MARCHF10: variants seen among roughly 807,000 people sequenced by gnomAD.
MARCHF10 encodes the protein membrane associated ring-CH-type finger 10.
Under a neutral mutation model 76.2 loss-of-function variants are expected in MARCHF10, and 64 were observed. The observed-to-expected ratio is 0.84, with a 90% CI of 0.69 to 1.03. The LOEUF (loss-of-function observed/expected upper bound fraction) is 1.03. Among genes scored for constraint, MARCHF10 ranks in the 50% least tolerant of loss-of-function variants. MARCHF10 has a pLI of 0.00. For missense variants in MARCHF10, 875 were observed against 958.0 expected, an observed-to-expected ratio of 0.91 and a Z score of 1.14; for synonymous variants, 340 against 357.5, an observed-to-expected ratio of 0.95 and a Z score of 0.55.
chr17:62,720,190 T>C (rs931475534), intron 8 of MARCHF10, among the ~76,000 whole-genome samples: 1 of 152,250 alleles, frequency 6.6e-6, no homozygotes, highest in Non-Finnish European at 1.5e-5. Flanking sequence ...GTTTGCTCTG[T>C]CTCTTCAAAC....
At chr17:62,795,356 CAAAAAAAAAAAAAAAA>C (rs61564298) in intron 2 of MARCHF10, among the ~76,000 whole-genome samples, 2 of 52,946 alleles carry the variant, frequency 3.8e-5, no homozygotes, top group East Asian at 1.3e-3. Context: ...ATCATTTGAT[CAAAAAAAAAAAAAAAA>C]AAAAAAAAAA....
chr17:62,780,167 A>G (rs1238249541), intron 3 of MARCHF10, among the ~76,000 whole-genome samples: 2 of 88,436 alleles, frequency 2.3e-5, no homozygotes, highest in Non-Finnish European at 5.1e-5. Flanking sequence ...TGAGTGTGTA[A>G]CATGTGGCTA....
At chr17:62,770,608 T>C (rs962242365) in intron 3 of MARCHF10, among the ~76,000 whole-genome samples, 2 of 151,510 alleles carry the variant, frequency 1.3e-5, no homozygotes, top group South Asian at 2.1e-4. Context: ...GTGCACGATC[T>C]TGACTCACTG....
chr17:62,729,180 G>C (rs1225705651), intron 6 of MARCHF10, among the ~76,000 whole-genome samples: 4 of 151,938 alleles, frequency 2.6e-5, no homozygotes, highest in Admixed American at 2.0e-4. Context: ...TGAGCTCAAG[G>C]AATCTGCCCA....
chr17:62,705,418 T>C, intron 10 of MARCHF10, 121 bp downstream of exon 10: 1 of 1,583,912 alleles, frequency 6.3e-7, no homozygotes. Flanking sequence ...TTTGCGGGGT[T>C]ATTTTTGCCT....
chr17:62,756,172 C>T (rs181437525), intron 4 of MARCHF10, among the ~76,000 whole-genome samples: 164 of 152,154 alleles, frequency 1.1e-3, no homozygotes, highest in African/African-American at 3.5e-3. Flanking sequence ...TGCTTGAGTC[C>T]GGGAGGCGGA....
chr17:62,735,857 G>T, intron 6 of MARCHF10, 74 bp downstream of exon 6: 2 of 1,390,970 alleles, frequency 1.4e-6, no homozygotes, highest in South Asian at 1.3e-5. Flanking sequence ...AATTCCCATG[G>T]CTCTCTAACG....
At chr17:62,766,550 G>A (rs1047125328) in intron 3 of MARCHF10, among the ~76,000 whole-genome samples, 1 of 152,072 alleles carries the variant, frequency 6.6e-6, no homozygotes, top group African/African-American at 2.4e-5. Context: ...GTGTTTAATA[G>A]TTTAACAGCA....
intron 3 of MARCHF10, among the ~76,000 whole-genome samples, chr17:62,781,179 T>C (rs1352739404): frequency 6.6e-6 from 1 of 152,218 alleles, no homozygotes. Context: ...TAAAATTAAG[T>C]TGCCATATTA....
chr17:62,733,768 A>G (rs1316622192), intron 6 of MARCHF10, among the ~76,000 whole-genome samples: 2 of 152,260 alleles, frequency 1.3e-5, no homozygotes, highest in Non-Finnish European at 2.9e-5. Context: ...AAAGCCAAAT[A>G]TATCAATAAG....
Position 62,705,496 on chromosome 17 carries a change from A to T in MARCHF10, c.2371+43T>A, listed in dbSNP as rs557074998. The stretch of plus-strand genomic sequence containing the variant: ...CACAGTCACAGAAAAAGAGTAATTT[A>T]GCAAACACCCTCAAAATGGCAGGAC... On this transcript the variant is annotated intron_variant, in intron 10 of 10. Transcript: ENST00000311269. The T allele has an allele frequency of 6.8e-6, 11 of 1,614,124 alleles. 1 individual carries two copies. In the South Asian group the frequency reaches 1.1e-4, roughly 16 times the overall value.
rs770200726 is a variant in MARCHF10, at chr17:62,725,019, C to G, written c.2023G>C (p.Glu675Gln). The change falls in exon 7 of 11, where the codon GAG becomes CAG. Residue 675 changes from glutamate to glutamine, a missense_variant. Transcript: ENST00000311269. ...AGGCTTCCCACACAGCCGCAAGGCTCCAGGAGGGGGTTGCTTGGGGAACCC... is the reference window on the plus strand; with the variant it reads ...AGGCTTCCCACACAGCCGCAAGGCTGCAGGAGGGGGTTGCTTGGGGAACCC... ...AGGSPSNPLL[E>Q]PCGCVGSLQF... 6.2e-7 allele frequency: 1 copy of G among 1,610,478 alleles called. No homozygotes were observed. The highest frequency in any genetic ancestry group is 8.5e-7 in the Non-Finnish European group (1 of 1,178,698).
chr17:62,753,015 G>A (rs1458736576), intron 4 of MARCHF10, among the ~76,000 whole-genome samples: 1 of 152,160 alleles, frequency 6.6e-6, no homozygotes, highest in Non-Finnish European at 1.5e-5. Flanking sequence ...GCCCTTGGAG[G>A]CCTGATCCTT....
rs184425496 is a variant in MARCHF10 at position 62,707,771 on chromosome 17, C to G, written c.2329-2190G>C. ...TGTTCTCTCCTTAGATTCTGAGTCTCTTCTAGGAAAGGAGTGTCTTAATCA... is the reference window on the plus strand; with the variant it reads ...TGTTCTCTCCTTAGATTCTGAGTCTGTTCTAGGAAAGGAGTGTCTTAATCA... On this transcript the variant is annotated intron_variant, in intron 9 of 10. Coordinates refer to ENST00000311269, the MANE Select transcript of MARCHF10 (RefSeq NM_152598.4). Among the ~76,000 whole-genome samples, 6 of 152,350 alleles carry G rather than the reference C, an allele frequency of 3.9e-5. No individual in the cohort carries two copies. In the South Asian group the frequency reaches 6.2e-4, roughly 16 times the overall value.
intron 6 of MARCHF10, among the ~76,000 whole-genome samples, chr17:62,726,998 T>G (rs1244887882): frequency 6.6e-6 from 1 of 152,170 alleles, no homozygotes; most frequent in Non-Finnish European, 1.5e-5. Flanking sequence ...AATCAGTGGT[T>G]TCCAATAGAA....
At chr17:62,729,386 A>G (rs1172969336) in intron 6 of MARCHF10, among the ~76,000 whole-genome samples, 1 of 150,918 alleles carries the variant, frequency 6.6e-6, no homozygotes, top group East Asian at 1.9e-4. Flanking sequence ...ATTTTCTGAG[A>G]TCACAATGTA....
chr17:62,746,691 C>T (rs113999127), intron 4 of MARCHF10, among the ~76,000 whole-genome samples: 556 of 152,272 alleles, frequency 3.7e-3, no homozygotes, highest in African/African-American at 0.013. Flanking sequence ...AAGGGGCAGG[C>T]GTGGGGCTCA....
intron 4 of MARCHF10, among the ~76,000 whole-genome samples, chr17:62,748,964 G>A (rs997973913): frequency 6.6e-6 from 1 of 152,194 alleles, no homozygotes; most frequent in African/African-American, 2.4e-5. Context: ...AAAGGAAGGG[G>A]TTTGTGTTCA....
At chr17:62,772,714 C>T (rs2092470829) in intron 3 of MARCHF10, among the ~76,000 whole-genome samples, 1 of 152,166 alleles carries the variant, frequency 6.6e-6, no homozygotes, top group Admixed American at 6.5e-5. Flanking sequence ...AAAAAAATTA[C>T]ACCTTTATTT....
Sources: allele counts gnomAD v4.1 joint callset (sites outside exome capture counted in the v4.1 genomes callset), GRCh38; gene constraint gnomAD v4.1.1; transcripts MANE v1.5; gene names NCBI Gene and HGNC (gene_info 2026-07-23, HGNC 2026-07-21).